FAM163B: variants seen among roughly 807,000 people sequenced by gnomAD.
FAM163B encodes the protein family with sequence similarity 163 member B.
In FAM163B, 4 loss-of-function variants were observed where a neutral mutation model predicts 7.6. The ratio of observed to expected loss-of-function variants is 0.52; its 90% CI spans 0.26 to 1.20. The LOEUF (loss-of-function observed/expected upper bound fraction) is 1.20. Among genes scored for constraint, FAM163B ranks in the 50% most tolerant of loss-of-function variants. The probability of loss-of-function intolerance (pLI) is 0.14; values close to 1 mark genes in which losing one functional copy is unlikely to be tolerated. For missense variants in FAM163B, 250 were observed against 243.0 expected, an observed-to-expected ratio of 1.03 and a Z score of -0.19; for synonymous variants, 120 against 111.6, an observed-to-expected ratio of 1.07 and a Z score of -0.47.
chr9:133,584,429 G>C (rs1831402786), intron 1 of FAM163B, among the ~76,000 whole-genome samples: 1 of 152,184 alleles, frequency 6.6e-6, no homozygotes, highest in Non-Finnish European at 1.5e-5. Flanking sequence ...AACTCTGGGG[G>C]ACTTGGATTT....
chr9:133,602,878 A>G (rs1831747042), intron 1 of FAM163B, among the ~76,000 whole-genome samples: 2 of 152,202 alleles, frequency 1.3e-5, no homozygotes, highest in South Asian at 4.1e-4. Flanking sequence ...GAATCGAATC[A>G]TTATATCCCA....
At chr9:133,587,538 C>T (rs1444260034) in intron 1 of FAM163B, among the ~76,000 whole-genome samples, 1 of 152,206 alleles carries the variant, frequency 6.6e-6, no homozygotes, top group Non-Finnish European at 1.5e-5. Flanking sequence ...TGGGGGCTCC[C>T]TGGTCCTCAG....
intron 1 of FAM163B, among the ~76,000 whole-genome samples, chr9:133,599,248 G>A (rs1831675987): frequency 6.6e-6 from 1 of 152,140 alleles, no homozygotes; most frequent in Non-Finnish European, 1.5e-5. Flanking sequence ...TCCTTGCATG[G>A]TCAGGTCAGG....
intron 1 of FAM163B, among the ~76,000 whole-genome samples, chr9:133,599,844 A>AGT (rs1005031325): frequency 7.2e-6 from 1 of 137,990 alleles, no homozygotes; most frequent in East Asian, 2.2e-4. Flanking sequence ...TCTGTGTACG[A>AGT]GTGTGTGTGC....
intron 1 of FAM163B, among the ~76,000 whole-genome samples, 61 bp downstream of exon 1, chr9:133,609,016 A>T (rs1389778203): frequency 6.6e-6 from 1 of 152,158 alleles, no homozygotes; most frequent in Admixed American, 6.5e-5. Flanking sequence ...ACCTAGCTGG[A>T]GCTTTCCAGC....
rs1831785677 is a variant in FAM163B at position 133,606,039 on chromosome 9, A to G, written c.-24+3038T>C. 6.6e-6 allele frequency among the ~76,000 whole-genome samples: 1 copy of G among 152,204 alleles called. No homozygotes were observed. The highest frequency in any genetic ancestry group is 2.1e-4 in the South Asian group (1 of 4,832). ...CCTGTGGACTGCGGCGGAAAGCCCAACCACTGAGCAGGGCTTACAAGCCTG... is the reference window on the plus strand; with the variant it reads ...CCTGTGGACTGCGGCGGAAAGCCCAGCCACTGAGCAGGGCTTACAAGCCTG... On this transcript the variant is annotated intron_variant, in intron 1 of 2. Transcript: ENST00000673969. The surrounding 1 kb of genome is among the most constrained non-coding windows in gnomAD (Gnocchi z 4.0).
chr9:133,591,360 C>G (rs973597655), intron 1 of FAM163B, among the ~76,000 whole-genome samples: 1 of 152,240 alleles, frequency 6.6e-6, no homozygotes, highest in Admixed American at 6.5e-5. Flanking sequence ...GCACTGGCCA[C>G]CTGGGTGTCC....
At chr9:133,583,564 G>A (rs1436912475) in intron 1 of FAM163B, among the ~76,000 whole-genome samples, 3 of 152,332 alleles carry the variant, frequency 2.0e-5, no homozygotes, top group East Asian at 1.9e-4. Context: ...TGTTAGGACC[G>A]TGTCCCTCCC....
At chr9:133,609,041 C>T (rs1184636764) in intron 1 of FAM163B, among the ~76,000 whole-genome samples, 36 bp downstream of exon 1, 1 of 152,196 alleles carries the variant, frequency 6.6e-6, no homozygotes, top group Non-Finnish European at 1.5e-5. Flanking sequence ...GTCTTCTGCC[C>T]CACACCCCGT....
Position 133,579,221 on chromosome 9 carries a change from G to A in FAM163B, c.302C>T (p.Thr101Ile). The change falls in exon 3 of 3, where the codon ACC (threonine) becomes ATC (isoleucine). Residue 101 changes from threonine (T) to isoleucine (I), a missense_variant. Transcript: ENST00000673969. The stretch of plus-strand genomic sequence containing the variant: ...CTCCGGCGGCTCCTGCAGGAAGAAG[G>A]TGGGGGGCTCGCAGTGGGAGCAGCT... ...CRSCSHCEPP[T>I]FFLQEPPEEE... 6.2e-7 allele frequency: 1 copy of A among 1,612,112 alleles called. No individual in the cohort carries two copies. The highest frequency in any genetic ancestry group is 8.5e-7 in the Non-Finnish European group (1 of 1,179,814).
intron 1 of FAM163B, among the ~76,000 whole-genome samples, chr9:133,605,680 C>T (rs564089751): frequency 6.6e-6 from 1 of 152,308 alleles, no homozygotes; most frequent in Non-Finnish European, 1.5e-5. Context: ...AACAACAGTC[C>T]TCCCCCAGGG....
chr9:133,582,641 A>C (rs1326373995), intron 1 of FAM163B, among the ~76,000 whole-genome samples: 1 of 152,226 alleles, frequency 6.6e-6, no homozygotes, highest in African/African-American at 2.4e-5. Flanking sequence ...TTGTGCCCTG[A>C]GCCAAGAGGC....
chr9:133,591,632 A>G (rs936036660), intron 1 of FAM163B, among the ~76,000 whole-genome samples: 3 of 152,152 alleles, frequency 2.0e-5, no homozygotes, highest in African/African-American at 7.2e-5. Context: ...CTTCGGACTC[A>G]GGGGGGCGGA....
At chr9:133,607,231 T>G (rs1831801238) in intron 1 of FAM163B, among the ~76,000 whole-genome samples, 1 of 152,156 alleles carries the variant, frequency 6.6e-6, no homozygotes, top group South Asian at 2.1e-4. Context: ...CATGGGAGAC[T>G]GAGGTCTAGA....
chr9:133,602,222 G>A (rs3025327), intron 1 of FAM163B, among the ~76,000 whole-genome samples: 5 of 152,152 alleles, frequency 3.3e-5, no homozygotes, highest in Non-Finnish European at 1.5e-5. Flanking sequence ...ATCTCCGGTG[G>A]ATGACGACGG....
At chr9:133,598,133 G>C (rs1016481033) in intron 1 of FAM163B, among the ~76,000 whole-genome samples, 1 of 152,150 alleles carries the variant, frequency 6.6e-6, no homozygotes, top group Non-Finnish European at 1.5e-5. Flanking sequence ...ACCCAGCTTC[G>C]AGGCCTCCCT....
Position 133,579,577 on chromosome 9 carries a change from C to T in FAM163B, c.94-148G>A, listed in dbSNP as rs1473497300. The T allele has an allele frequency of 2.1e-5, 21 of 1,000,106 alleles. No individual in the cohort carries two copies. In the East Asian group the frequency reaches 4.7e-4, roughly 22 times the overall value. 62.0% of individuals were successfully genotyped at this position (1,000,106 alleles called of 1,614,324 possible). On this transcript the variant is annotated intron_variant, in intron 2 of 2. Transcript: ENST00000673969. ...CAGGCCTGACACCTCAGCTGTTTAA[C>T]CAGTGCTATGGGTCTCACTCAGGCC...
In FAM163B at chr9:133,579,326, A is replaced by AAC; in HGVS notation, c.196_197insGT (p.Leu66ArgfsTer2). The AAC allele has an allele frequency of 6.2e-7, 1 of 1,613,700 alleles. No homozygotes were observed. Among genetic ancestry groups the AAC allele is most frequent in the Non-Finnish European group, 8.5e-7 (1 of 1,179,958 alleles). The stretch of plus-strand genomic sequence containing the variant: ...GGGGTAGAGCGCCGGCCCGTTGGTC[A>AAC]GCACCAGGTTGCGGTTGGAGTGCAG... On this transcript the variant is annotated frameshift_variant, in exon 3 of 3. Coordinates refer to ENST00000673969, the MANE Select transcript of FAM163B (RefSeq NM_001080515.3). LOFTEE classifies it high-confidence loss of function.
At chr9:133,597,055 A>G (rs1831642745) in intron 1 of FAM163B, among the ~76,000 whole-genome samples, 1 of 152,220 alleles carries the variant, frequency 6.6e-6, no homozygotes, top group African/African-American at 2.4e-5. Context: ...TTGCAATATA[A>G]CAATGAAGTG....
Sources: gnomAD v4.1 joint callset for allele counts (sites outside exome capture counted in the v4.1 genomes callset) on GRCh38, gnomAD v4.1.1 for gene constraint, Gnocchi (gnomAD v3.1) non-coding constraint, MANE v1.5 for transcripts, NCBI Gene and HGNC (gene_info 2026-07-23, HGNC 2026-07-21) for gene names.